PRKN: variants seen among roughly 807,000 people sequenced by gnomAD.
PRKN encodes parkin RBR E3 ubiquitin protein ligase.
Under a neutral mutation model 59.5 loss-of-function variants are expected in PRKN, and 56 were observed. The observed-to-expected ratio is 0.94, with a 90% CI of 0.76 to 1.18. PRKN has a LOEUF of 1.18. Among genes scored for constraint, PRKN ranks in the 50% most tolerant of loss-of-function variants. PRKN has a pLI of 0.00. For missense variants in PRKN, 657 were observed against 596.4 expected, an observed-to-expected ratio of 1.10 and a Z score of -1.06; for synonymous variants, 250 against 222.1, an observed-to-expected ratio of 1.13 and a Z score of -1.12.
intron 4 of PRKN, among the ~76,000 whole-genome samples, chr6:162,122,900 C>G (rs1226797574): frequency 6.6e-6 from 1 of 151,984 alleles, no homozygotes; most frequent in East Asian, 1.9e-4. Flanking sequence ...ATCTAATAAC[C>G]CATTCACAGA....
At chr6:162,324,229 G>C (rs189263539) in intron 2 of PRKN, among the ~76,000 whole-genome samples, 45 of 152,216 alleles carry the variant, frequency 3.0e-4, no homozygotes, top group African/African-American at 1.1e-3. Context: ...TATAGACAAT[G>C]CAAACTAATC....
chr6:162,272,364 CTTTA>C (rs1212960602), intron 2 of PRKN, among the ~76,000 whole-genome samples: 35 of 151,964 alleles, frequency 2.3e-4, no homozygotes, highest in African/African-American at 8.5e-4. Context: ...CTTCTTTTTT[CTTTA>C]AGTATTATTT....
chr6:162,704,217 A>G (rs1778260017), intron 1 of PRKN, among the ~76,000 whole-genome samples: 1 of 152,190 alleles, frequency 6.6e-6, no homozygotes, highest in African/African-American at 2.4e-5. Context: ...CACCAGGCTC[A>G]GGTGGACTGC....
At position 161,874,963 on chromosome 6, in the gene PRKN, AAT is replaced by A. The variant is rs1562356538; in HGVS notation, c.735-89057_735-89056del. On this transcript the variant is annotated intron_variant, in intron 6 of 11. Transcript: ENST00000366898. ...AATATATTATAGGTACTTTATATAT[AAT>A]ATATAATTTATTATATTATATACTT... 1.4e-4 allele frequency among the ~76,000 whole-genome samples: 13 copies of A among 91,282 alleles called. 2 individuals are homozygous for A. Among genetic ancestry groups the A allele is most frequent in the African/African-American group, 7.1e-4 (13 of 18,298 alleles). The allele number at this position is 91,282 out of a possible 152,430, so 59.9% of individuals were successfully genotyped here.
intron 7 of PRKN, among the ~76,000 whole-genome samples, chr6:161,597,857 C>A (rs922292219): frequency 6.6e-6 from 1 of 151,678 alleles, no homozygotes; most frequent in Admixed American, 6.6e-5. Flanking sequence ...CACACACACA[C>A]ATATTCTAAA....
chr6:162,273,739 C>G (rs1381307145), intron 2 of PRKN, among the ~76,000 whole-genome samples: 1 of 152,174 alleles, frequency 6.6e-6, no homozygotes, highest in African/African-American at 2.4e-5. Flanking sequence ...GGGGAAATTA[C>G]TCACCTATCC....
At chr6:162,598,966 G>A (rs751194856) in intron 1 of PRKN, among the ~76,000 whole-genome samples, 14 of 151,598 alleles carry the variant, frequency 9.2e-5, no homozygotes, top group Non-Finnish European at 1.8e-4. Context: ...ATTACAGTAC[G>A]TTCAAGAATG....
chr6:162,665,135 C>A (rs1779048505), intron 1 of PRKN, among the ~76,000 whole-genome samples: 1 of 152,074 alleles, frequency 6.6e-6, no homozygotes, highest in South Asian at 2.1e-4. Context: ...GACAAGGACG[C>A]CCCCTCTCAC....
chr6:161,445,011 C>T lies in PRKN; in HGVS notation c.1084-58134G>A, dbSNP rs1444501029. 2.6e-5 allele frequency among the ~76,000 whole-genome samples: 4 copies of T among 150,944 alleles called. No homozygotes were observed. The highest frequency in any genetic ancestry group is 9.9e-5 in the African/African-American group (4 of 40,398). On this transcript the variant is annotated intron_variant, in intron 9 of 11. Coordinates refer to ENST00000366898, the MANE Select transcript of PRKN (RefSeq NM_004562.3). The surrounding 1 kb of genome is among the most constrained non-coding windows in gnomAD (Gnocchi z 7.7). ...CAATATCTTTTTTTGTTTTTTTAATCTCTAGGTAACCAACCCCTGCCTACA... is the reference window on the plus strand; with the variant it reads ...CAATATCTTTTTTTGTTTTTTTAATTTCTAGGTAACCAACCCCTGCCTACA...
intron 7 of PRKN, among the ~76,000 whole-genome samples, chr6:161,706,054 T>A (rs566714768): frequency 1.3e-4 from 20 of 151,904 alleles, no homozygotes; most frequent in Admixed American, 6.6e-4. Flanking sequence ...CCAGATAATG[T>A]GGCCCTTCGC....
At chr6:161,705,392 A>G in intron 7 of PRKN, among the ~76,000 whole-genome samples, 1 of 152,326 alleles carries the variant, frequency 6.6e-6, no homozygotes, top group South Asian at 2.1e-4. Flanking sequence ...TGAATACTGT[A>G]CAAAAAGTGA....
intron 7 of PRKN, among the ~76,000 whole-genome samples, chr6:161,720,064 C>T (rs147553625): frequency 6.0e-4 from 91 of 152,212 alleles, no homozygotes; most frequent in African/African-American, 2.0e-3. Context: ...GATTACAGCA[C>T]AACAAACCAA....
At chr6:162,079,852 G>A (rs188451504) in intron 4 of PRKN, among the ~76,000 whole-genome samples, 155 of 152,242 alleles carry the variant, frequency 1.0e-3, no homozygotes, top group African/African-American at 3.5e-3. Context: ...TTTAATGAGA[G>A]TAATGCATTT....
intron 7 of PRKN, among the ~76,000 whole-genome samples, chr6:161,622,616 G>C (rs1782948284): frequency 6.6e-6 from 1 of 152,188 alleles, no homozygotes; most frequent in Non-Finnish European, 1.5e-5. Context: ...CTGAAAGAGA[G>C]GTTCTGTTCC....
chr6:162,344,813 A>C (rs2128129263), intron 2 of PRKN, among the ~76,000 whole-genome samples: 1 of 152,292 alleles, frequency 6.6e-6, no homozygotes, highest in Admixed American at 6.5e-5. Context: ...GAATACAGTG[A>C]GTTCACACAC....
Position 161,618,651 on chromosome 6 carries a change from C to A in PRKN, c.872-49235G>T, listed in dbSNP as rs141293097. Among the ~76,000 whole-genome samples the A allele has an allele frequency of 5.9e-3, 896 of 152,310 alleles. 6 individuals carry two copies. The highest frequency in any genetic ancestry group is 0.01 in the Middle Eastern group (3 of 294). ...GCAAAATGCTACAGTGGTATAATGT[C>A]TAATGCTGAGCCCAGTTCCATAAGA... is the stretch of plus-strand genomic sequence containing the variant. On this transcript the variant is annotated intron_variant, in intron 7 of 11. Coordinates refer to ENST00000366898, the MANE Select transcript of PRKN (RefSeq NM_004562.3).
At chr6:162,242,628 A>T (rs1779029327) in intron 3 of PRKN, among the ~76,000 whole-genome samples, 1 of 152,192 alleles carries the variant, frequency 6.6e-6, no homozygotes, top group Admixed American at 6.5e-5. Flanking sequence ...TATCTGCTAA[A>T]TTAAAGGAAA....
chr6:162,117,472 G>C (rs1343937082), intron 4 of PRKN, among the ~76,000 whole-genome samples: 3 of 152,216 alleles, frequency 2.0e-5, no homozygotes, highest in African/African-American at 2.4e-5. Context: ...CTGCGAGAAA[G>C]ACCTATGCAT....
At chr6:161,587,943 GT>G (rs1781577680) in intron 7 of PRKN, among the ~76,000 whole-genome samples, 1 of 152,146 alleles carries the variant, frequency 6.6e-6, no homozygotes, top group Non-Finnish European at 1.5e-5. Flanking sequence ...AACCAGTAAT[GT>G]TTTTAGAAGC....
Sources: allele counts gnomAD v4.1 joint callset (sites outside exome capture counted in the v4.1 genomes callset), GRCh38; gene constraint gnomAD v4.1.1; non-coding constraint Gnocchi (gnomAD v3.1); transcripts MANE v1.5; gene names NCBI Gene and HGNC (gene_info 2026-07-23, HGNC 2026-07-21).